The following NRG3 variants were observed in gnomAD, a reference collection of about 807,000 sequenced individuals.
NRG3 encodes the protein neuregulin 3.
In NRG3, 31 loss-of-function variants were observed where a neutral mutation model predicts 66.9. That is an observed-to-expected ratio of 0.46 (90% CI 0.35 to 0.63). NRG3 has a LOEUF of 0.63. Ranked by LOEUF, NRG3 falls within the 20% of genes least tolerant of loss-of-function variation. NRG3 has a pLI of 0.00. For missense variants in NRG3, 910 were observed against 878.9 expected (o/e 1.04, Z -0.45); for synonymous variants, 393 against 359.4 (o/e 1.09, Z -1.06).
At chr10:82,968,681 G>A (rs1207898422) in intron 6 of NRG3, among the ~76,000 whole-genome samples, 2 of 151,574 alleles carry the variant, frequency 1.3e-5, no homozygotes, top group Admixed American at 6.6e-5. Flanking sequence ...GGGAGGCAGG[G>A]AGGGAGGAAG....
chr10:81,975,587 A>G (rs2060095133), intron 1 of NRG3, among the ~76,000 whole-genome samples: 2 of 152,134 alleles, frequency 1.3e-5, no homozygotes, highest in Admixed American at 6.5e-5. Flanking sequence ...TATCAAGAAG[A>G]TAAACACTGT....
chr10:82,757,916 T>G (rs543133012), intron 3 of NRG3, among the ~76,000 whole-genome samples: 6 of 152,216 alleles, frequency 3.9e-5, no homozygotes, highest in African/African-American at 1.4e-4. Context: ...ATTTTTGGCT[T>G]GATTTGGTCA....
chr10:82,271,381 C>A (rs928306994), intron 1 of NRG3, among the ~76,000 whole-genome samples: 9 of 151,946 alleles, frequency 5.9e-5, no homozygotes, highest in Admixed American at 5.2e-4. Flanking sequence ...CATGATGCTA[C>A]CTATCAGGGC....
chr10:82,636,829 T>A (rs2050231601), intron 2 of NRG3, among the ~76,000 whole-genome samples: 1 of 151,824 alleles, frequency 6.6e-6, no homozygotes, highest in African/African-American at 2.4e-5. Context: ...TGTGTGTGTG[T>A]GTGTGAGAGA....
Position 82,308,500 on chromosome 10 carries a change from T to A in NRG3, c.824-50239T>A, listed in dbSNP as rs147552079. On this transcript the variant is annotated intron_variant, in intron 1 of 8. Coordinates refer to ENST00000372141, the MANE Select transcript of NRG3 (RefSeq NM_001010848.4). ...CTATTTTTGGAAGCCCTTACTGATA[T>A]TTTTGAATATGCAGATTGGAATTGT... Among the ~76,000 whole-genome samples the A allele has an allele frequency of 1.1e-3, 173 of 152,210 alleles. 1 individual carries two copies. Among genetic ancestry groups the A allele is most frequent in the Non-Finnish European group, 1.9e-3 (127 of 68,008 alleles).
Position 81,953,593 on chromosome 10 carries a change from T to C in NRG3, c.823+77430T>C, listed in dbSNP as rs551839318. On this transcript the variant is annotated intron_variant, in intron 1 of 8. Coordinates refer to ENST00000372141, the MANE Select transcript of NRG3 (RefSeq NM_001010848.4). ...TGATAAAGTATCACATTACAGAACATTTAAATAGTATCATAGACTCCATTG... is the reference window on the plus strand; with the variant it reads ...TGATAAAGTATCACATTACAGAACACTTAAATAGTATCATAGACTCCATTG... 3.9e-5 allele frequency among the ~76,000 whole-genome samples: 6 copies of C among 152,298 alleles called. No homozygotes were observed. The South Asian group carries it at 8.3e-4, about 21-fold the overall frequency.
chr10:82,594,271 C>G (rs1408916226), intron 2 of NRG3, among the ~76,000 whole-genome samples: 1 of 152,104 alleles, frequency 6.6e-6, no homozygotes, highest in African/African-American at 2.4e-5. Flanking sequence ...AAAACTCAGA[C>G]TATATCATTT....
At chr10:82,298,739 T>G (rs557348110) in intron 1 of NRG3, among the ~76,000 whole-genome samples, 7 of 152,186 alleles carry the variant, frequency 4.6e-5, no homozygotes, top group Admixed American at 2.6e-4. Context: ...AGGAATTCTA[T>G]GCTGTGCACA....
At chr10:82,734,869 AT>A (rs919278039) in intron 2 of NRG3, among the ~76,000 whole-genome samples, 1 of 151,926 alleles carries the variant, frequency 6.6e-6, no homozygotes, top group Admixed American at 6.6e-5. Context: ...ATTAAAAAAA[AT>A]AACTGAGTAT....
chr10:82,207,030 T>C (rs1479566123), intron 1 of NRG3, among the ~76,000 whole-genome samples: 1 of 152,178 alleles, frequency 6.6e-6, no homozygotes, highest in Non-Finnish European at 1.5e-5. Flanking sequence ...TTGCTCCACA[T>C]TTCTGCTTTC....
chr10:82,107,932 A>G (rs1481458572), intron 1 of NRG3, among the ~76,000 whole-genome samples: 1 of 152,200 alleles, frequency 6.6e-6, no homozygotes, highest in Non-Finnish European at 1.5e-5. Flanking sequence ...CGAAAACATC[A>G]AGGGTACTTA....
rs780289705 is a variant in NRG3, at chr10:82,298,219, AAGGG to A, written c.824-60504_824-60501del. Among the ~76,000 whole-genome samples, 1,049 of 141,560 alleles carry A rather than the reference AAGGG, an allele frequency of 7.4e-3. 8 individuals carry two copies. Among genetic ancestry groups the A allele is most frequent in the African/African-American group, 0.024 (962 of 39,614 alleles). The allele number at this position is 141,560 out of a possible 152,430, so 92.9% of individuals were successfully genotyped here. ...GAGAGAGAGCAGGAAGGAAGGAAAG[AAGGG>A]AGGGAGGGAGGGAGGAAGGAAGAGA... On this transcript the variant is annotated intron_variant, in intron 1 of 8. Coordinates refer to ENST00000372141, the MANE Select transcript of NRG3 (RefSeq NM_001010848.4).
chr10:82,377,266 C>T (rs1461370989), intron 2 of NRG3, among the ~76,000 whole-genome samples: 1 of 152,198 alleles, frequency 6.6e-6, no homozygotes, highest in Non-Finnish European at 1.5e-5. Flanking sequence ...GCTACCAGTT[C>T]ATTCTCTGTA....
At chr10:82,811,603 A>C (rs2061495574) in intron 3 of NRG3, among the ~76,000 whole-genome samples, 2 of 152,236 alleles carry the variant, frequency 1.3e-5, no homozygotes, top group Non-Finnish European at 2.9e-5. Context: ...TTTGGGCTGC[A>C]CATGCCGAGG....
rs139512912 is a variant in NRG3, at chr10:82,889,767, G to A, written c.1054+24330G>A. The stretch of plus-strand genomic sequence containing the variant: ...GTTGCCTTTCCTGGGCTTGAAGGTG[G>A]AGTTTTGAGTAAAACAGCAGCAGTG... On this transcript the variant is annotated intron_variant, in intron 4 of 8. Coordinates refer to ENST00000372141, the MANE Select transcript of NRG3 (RefSeq NM_001010848.4). Among the ~76,000 whole-genome samples the A allele has an allele frequency of 2.0e-5, 3 of 152,280 alleles. No homozygotes were observed. In the East Asian group the frequency reaches 5.8e-4, roughly 29 times the overall value.
intron 2 of NRG3, among the ~76,000 whole-genome samples, chr10:82,711,543 G>A (rs980571162): frequency 1.5e-4 from 21 of 144,080 alleles, no homozygotes; most frequent in African/African-American, 5.8e-4. Flanking sequence ...GTTTGTGTGT[G>A]TGTGTGTGTG....
chr10:82,200,567 T>C (rs2074744519), intron 1 of NRG3, among the ~76,000 whole-genome samples: 2 of 152,184 alleles, frequency 1.3e-5, no homozygotes, highest in Non-Finnish European at 2.9e-5. Context: ...CGATGTCTAA[T>C]ATTATTTGGC....
chr10:82,460,751 C>T (rs374207996), intron 2 of NRG3, among the ~76,000 whole-genome samples: 25 of 152,268 alleles, frequency 1.6e-4, no homozygotes, highest in East Asian at 1.4e-3. Context: ...TCTCAGGGGT[C>T]TGCAGTCCCT....
At chr10:82,063,788 A>C (rs1036428588) in intron 1 of NRG3, among the ~76,000 whole-genome samples, 1 of 152,216 alleles carries the variant, frequency 6.6e-6, no homozygotes, top group Non-Finnish European at 1.5e-5. Context: ...AAGAAAAATG[A>C]TGTATTCAAA....
Sources: allele counts gnomAD v4.1 joint callset (sites outside exome capture counted in the v4.1 genomes callset), GRCh38; gene constraint gnomAD v4.1.1; transcripts MANE v1.5; gene names NCBI Gene and HGNC (gene_info 2026-07-23, HGNC 2026-07-21).